Variants in LMX1B observed in about 807,000 individuals in gnomAD.
LMX1B encodes the protein LIM homeobox transcription factor 1 beta, also known as LIM homeobox transcription factor 1-beta.
LMX1B carries 12 observed loss-of-function variants against 51.4 expected under a neutral mutation model. The ratio of observed to expected loss-of-function variants is 0.23; its 90% CI spans 0.15 to 0.38. The LOEUF (loss-of-function observed/expected upper bound fraction) is 0.38. Ranked by LOEUF, LMX1B falls within the 10% of genes least tolerant of loss-of-function variation. The pLI, the probability that LMX1B is intolerant of heterozygous loss-of-function variation, is 1.00. For synonymous variants in LMX1B, 237 were observed against 235.4 expected, an observed-to-expected ratio of 1.01 and a Z score of -0.06; for missense variants, 445 against 571.1, an observed-to-expected ratio of 0.78 and a Z score of 2.25.
chr9:126,638,750 G>C (rs1835759558), intron 2 of LMX1B, among the ~76,000 whole-genome samples: 1 of 152,302 alleles, frequency 6.6e-6, no homozygotes, highest in Middle Eastern at 3.4e-3. Flanking sequence ...TCTCCCGGGG[G>C]AGCCGGTGAA....
At chr9:126,651,123 C>T (rs1835996545) in intron 2 of LMX1B, among the ~76,000 whole-genome samples, 3 of 151,890 alleles carry the variant, frequency 2.0e-5, no homozygotes, top group Admixed American at 2.0e-4. Flanking sequence ...CCCTCTCTCC[C>T]TCCCCATCTC....
chr9:126,685,988 C>T (rs1327549489), intron 2 of LMX1B, among the ~76,000 whole-genome samples: 1 of 152,080 alleles, frequency 6.6e-6, no homozygotes. Context: ...AGCTGGAGTG[C>T]TCCCAGGACA....
intron 2 of LMX1B, among the ~76,000 whole-genome samples, chr9:126,651,806 G>A (rs1836014469): frequency 6.6e-6 from 1 of 152,176 alleles, no homozygotes; most frequent in Non-Finnish European, 1.5e-5. Context: ...CAGGGTCTGA[G>A]CTGGGAGTTC....
At chr9:126,689,378 A>G (rs2030028438) in intron 2 of LMX1B, among the ~76,000 whole-genome samples, 1 of 152,228 alleles carries the variant, frequency 6.6e-6, no homozygotes, top group Non-Finnish European at 1.5e-5. Flanking sequence ...CGATTAGTAG[A>G]GAATTGCAGC....
chr9:126,615,396 G>A lies in LMX1B; in HGVS notation c.153G>A (p.Pro51=), dbSNP rs1308898004. ...TGTGCGCTACAGGCTCCGACTGCCC[G>A]CATCCCGCCGTCTGCGAGGGCTGCC... ...TLGVLLGSDC[P]HPAVCEGCQR... The change falls in exon 2 of 8, where the codon CCG becomes CCA. Residue 51 remains proline (P), a synonymous_variant. Transcript: ENST00000373474. This position sits in a 1 kb window ranked among gnomAD's most constrained non-coding sequence, Gnocchi z 6.0. The A allele has an allele frequency of 4.4e-6, 7 of 1,599,928 alleles. No individual in the cohort carries two copies. The highest frequency in any genetic ancestry group is 1.7e-4 in the Middle Eastern group (1 of 5,970).
At position 126,614,406 on chromosome 9, in the gene LMX1B, G is replaced by A. The variant is rs1490993232; in HGVS notation, c.-44G>A. 19 of 1,390,026 alleles carry A rather than the reference G, an allele frequency of 1.4e-5. No individual in the cohort carries two copies. The highest frequency in any genetic ancestry group is 1.6e-5 in the South Asian group (1 of 62,824). 86.1% of individuals were successfully genotyped at this position (1,390,026 alleles called of 1,614,324 possible). A position where few individuals can be genotyped will look rare whatever the true frequency, so the allele number is the denominator to read the frequency against. ...GGAGAGCGGGTGGACGGGCCGGCGGGCGAGCAGCCCGGCCGGCGGGGTCCG... is the reference window on the plus strand; with the variant it reads ...GGAGAGCGGGTGGACGGGCCGGCGGACGAGCAGCCCGGCCGGCGGGGTCCG... On this transcript the variant is annotated 5_prime_UTR_variant, in exon 1 of 8. Transcript: ENST00000373474.
intron 3 of LMX1B, among the ~76,000 whole-genome samples, 158 bp from the exon 4 acceptor site, chr9:126,692,984 G>A (rs150128266): frequency 6.1e-4 from 93 of 152,340 alleles, no homozygotes; most frequent in African/African-American, 1.6e-3. Flanking sequence ...TGTGGGCCAC[G>A]GGAGGGAAGG....
intron 2 of LMX1B, among the ~76,000 whole-genome samples, chr9:126,676,478 C>A (rs931265997): frequency 3.3e-5 from 5 of 152,206 alleles, no homozygotes; most frequent in Non-Finnish European, 7.3e-5. Flanking sequence ...GAGGAGGATA[C>A]CCTGGGAACT....
At chr9:126,675,384 A>G (rs1588295928) in intron 2 of LMX1B, among the ~76,000 whole-genome samples, 1 of 152,196 alleles carries the variant, frequency 6.6e-6, no homozygotes, top group Admixed American at 6.5e-5. Flanking sequence ...TTCAGTATTA[A>G]ATTATGGAAT....
chr9:126,695,769 G>A lies in LMX1B; in HGVS notation c.887-70G>A, dbSNP rs932782597. 7.1e-5 allele frequency: 112 copies of A among 1,572,244 alleles called. No homozygotes were observed. The highest frequency in any genetic ancestry group is 9.1e-5 in the Non-Finnish European group (105 of 1,150,056). ...TGGGGAGTCCCAAGGAGATCAGAAGGGGAGGCTGCTGGGGTGTAGCTGGGA... is the reference window on the plus strand; with the variant it reads ...TGGGGAGTCCCAAGGAGATCAGAAGAGGAGGCTGCTGGGGTGTAGCTGGGA... On this transcript the variant is annotated intron_variant, in intron 6 of 7. Coordinates refer to ENST00000373474, the MANE Select transcript of LMX1B (RefSeq NM_001174147.2). The surrounding 1 kb of genome is among the most constrained non-coding windows in gnomAD (Gnocchi z 5.2).
intron 2 of LMX1B, among the ~76,000 whole-genome samples, chr9:126,663,415 CTCTT>C (rs1322178259): frequency 2.1e-5 from 3 of 142,108 alleles, no homozygotes; most frequent in Non-Finnish European, 4.6e-5. Flanking sequence ...CAAGGCAAGA[CTCTT>C]TCTCAAAAAA....
rs1415798366 is a variant in LMX1B at position 126,616,000 on chromosome 9, G to A, written c.326+431G>A. ...GGATTCCTGGAGCCTGGAGCCAGGA[G>A]CCAGGAGGTGGAGTGCTGGGACACT... On this transcript the variant is annotated intron_variant, in intron 2 of 7. Coordinates refer to ENST00000373474, the MANE Select transcript of LMX1B (RefSeq NM_001174147.2). This position sits in a 1 kb window ranked among gnomAD's most constrained non-coding sequence, Gnocchi z 6.0. Among the ~76,000 whole-genome samples, 1 of 152,228 alleles carries A rather than the reference G, an allele frequency of 6.6e-6. No homozygotes were observed. Among genetic ancestry groups the A allele is most frequent in the Non-Finnish European group, 1.5e-5 (1 of 68,034 alleles).
At position 126,695,910 on chromosome 9, in the gene LMX1B, G is replaced by A. The variant is rs778847250; in HGVS notation, c.958G>A (p.Val320Met). ...GCTGGCCCCACCACAGCAGCAGATCGTGGCCATGGAACAGAGCCCCTACGG... is the reference window on the plus strand; with the variant it reads ...GCTGGCCCCACCACAGCAGCAGATCATGGCCATGGAACAGAGCCCCTACGG... ...TPLAPPQQQI[V>M]AMEQSPYGSS... Residue 320 changes from valine to methionine, a missense_variant, in exon 7 of 8, where the codon GTG becomes ATG. Physicochemically the swap from Val to Met is conservative, Grantham distance 21. This residue lies in a region of LMX1B where 162 missense variants were observed against 187.8 expected (regional missense o/e 0.86). Coordinates refer to ENST00000373474, the MANE Select transcript of LMX1B (RefSeq NM_001174147.2). The surrounding 1 kb of genome is among the most constrained non-coding windows in gnomAD (Gnocchi z 5.2). The A allele has an allele frequency of 2.0e-5, 33 of 1,613,248 alleles. No individual in the cohort carries two copies. Among genetic ancestry groups the A allele is most frequent in the Middle Eastern group, 1.6e-4 (1 of 6,070 alleles).
chr9:126,674,813 C>A (rs1181324198), intron 2 of LMX1B, among the ~76,000 whole-genome samples: 1 of 152,238 alleles, frequency 6.6e-6, no homozygotes, highest in Non-Finnish European at 1.5e-5. Context: ...CTGTGCCTCT[C>A]ACCTGCAGGG....
At position 126,614,354 on chromosome 9, in the gene LMX1B, C is replaced by T; in HGVS notation, c.-96C>T. 2 of 936,478 alleles carry T rather than the reference C, an allele frequency of 2.1e-6. No homozygotes were observed. Among genetic ancestry groups the T allele is most frequent in the Non-Finnish European group, 2.6e-6 (2 of 759,750 alleles). The allele number at this position is 936,478 out of a possible 1,614,324, so 58.0% of individuals were successfully genotyped here. Reference sequence around the variant, plus strand: ...CAACCCCTGCCCTGCGGGGGCCGCGCCTCCCCGGTTCCAGGGCCGCGGCGG... The same window carrying T: ...CAACCCCTGCCCTGCGGGGGCCGCGTCTCCCCGGTTCCAGGGCCGCGGCGG... On this transcript the variant is annotated 5_prime_UTR_variant, in exon 1 of 8. Transcript: ENST00000373474.
intron 2 of LMX1B, among the ~76,000 whole-genome samples, chr9:126,637,400 T>C (rs1323073454): frequency 2.6e-5 from 4 of 151,938 alleles, no homozygotes; most frequent in Non-Finnish European, 5.9e-5. Flanking sequence ...CCTGTCACTT[T>C]GTGAGCACAG....
intron 2 of LMX1B, among the ~76,000 whole-genome samples, chr9:126,688,938 T>G (rs897228005): frequency 3.9e-5 from 6 of 152,204 alleles, no homozygotes; most frequent in African/African-American, 1.4e-4. Flanking sequence ...GGGACATGCA[T>G]TGTCATTCTG....
rs1177500526 is a variant in LMX1B at position 126,619,043 on chromosome 9, C to CGGGCCCGCTGG, written c.326+3481_326+3491dup. Among the ~76,000 whole-genome samples the CGGGCCCGCTGG allele has an allele frequency of 4.6e-5, 7 of 152,224 alleles. No homozygotes were observed. In the East Asian group the frequency reaches 1.4e-3, roughly 29 times the overall value. ...GGCGACACAGACTTCAGGGCTCCGCCGGGCCCGCTGGGGGCCCTTTGGGCT... is the reference window on the plus strand; with the variant it reads ...GGCGACACAGACTTCAGGGCTCCGCCGGGCCCGCTGGGGGCCCGCTGGGGGCCCTTTGGGCT... On this transcript the variant is annotated intron_variant, in intron 2 of 7. Coordinates refer to ENST00000373474, the MANE Select transcript of LMX1B (RefSeq NM_001174147.2).
At chr9:126,676,645 T>TG (rs1836570871) in intron 2 of LMX1B, among the ~76,000 whole-genome samples, 1 of 152,212 alleles carries the variant, frequency 6.6e-6, no homozygotes, top group African/African-American at 2.4e-5. Context: ...ACCCCAGTTC[T>TG]TCCATGACCA....
Sources: allele counts gnomAD v4.1 joint callset (sites outside exome capture counted in the v4.1 genomes callset), GRCh38; gene constraint gnomAD v4.1.1; regional missense constraint gnomAD v4.1.1; non-coding constraint Gnocchi (gnomAD v3.1); transcripts MANE v1.5; gene names NCBI Gene and HGNC (gene_info 2026-07-23, HGNC 2026-07-21).